Variants in KBTBD11 observed in about 807,000 individuals in gnomAD.
KBTBD11 encodes the protein kelch repeat and BTB domain containing 11.
For synonymous variants in KBTBD11, 747 were observed against 499.0 expected (o/e 1.50, Z -6.63); for missense variants, 1,390 against 1,001.8 (o/e 1.39, Z -5.23).
intron 1 of KBTBD11, among the ~76,000 whole-genome samples, chr8:1,981,003 G>C (rs750701251): frequency 3.3e-5 from 5 of 152,186 alleles, no homozygotes; most frequent in Non-Finnish European, 5.9e-5. Context: ...GGGCAAAATA[G>C]TAACAAGGGC....
intron 1 of KBTBD11, among the ~76,000 whole-genome samples, chr8:1,988,513 G>A (rs536393800): frequency 9.2e-5 from 14 of 152,250 alleles, no homozygotes; most frequent in Admixed American, 3.3e-4. Flanking sequence ...TGTGTCTGTC[G>A]GCTGCATAAA....
At chr8:1,977,976 C>G (rs1223986821) in intron 1 of KBTBD11, among the ~76,000 whole-genome samples, 2 of 152,200 alleles carry the variant, frequency 1.3e-5, no homozygotes, top group Non-Finnish European at 1.5e-5. Context: ...CCATGCACAG[C>G]TTAGTGGCTT....
At chr8:1,989,266 A>C (rs1352052930) in intron 1 of KBTBD11, among the ~76,000 whole-genome samples, 2 of 152,238 alleles carry the variant, frequency 1.3e-5, no homozygotes, top group South Asian at 2.1e-4. Context: ...AACCTAGAGT[A>C]AGATTTGTAC....
chr8:1,980,682 C>G (rs1392308562), intron 1 of KBTBD11, among the ~76,000 whole-genome samples: 1 of 152,254 alleles, frequency 6.6e-6, no homozygotes, highest in Non-Finnish European at 1.5e-5. Context: ...GTGCTTGTCC[C>G]TGCCCTGGAG....
chr8:2,002,828 G>A lies in KBTBD11; in HGVS notation c.1636G>A (p.Gly546Ser), dbSNP rs1196601865. The change falls in exon 2 of 2, where the codon GGC becomes AGC. Residue 546 changes from glycine (G) to serine (S), a missense_variant. Transcript: ENST00000320248. This position sits in a 1 kb window ranked among gnomAD's most constrained non-coding sequence, Gnocchi z 4.1. ...CGTCGCGCCCCTGCGCCTCCCCGGC[G>A]GCCCCACGGGCCTGCAGCCCTTCCG... ...PCVAPLRLPG[G>S]PTGLQPFRCA... 4 of 1,424,894 alleles carry A rather than the reference G, an allele frequency of 2.8e-6. No homozygotes were observed. In the African/African-American group the frequency reaches 4.5e-5, roughly 16 times the overall value. The allele number at this position is 1,424,894 out of a possible 1,614,324, so 88.3% of individuals were successfully genotyped here.
chr8:1,995,851 C>T (rs781697154), intron 1 of KBTBD11, among the ~76,000 whole-genome samples: 1 of 152,142 alleles, frequency 6.6e-6, no homozygotes, highest in Non-Finnish European at 1.5e-5. Context: ...ATAGCGAGAT[C>T]CTGTTTCTAC....
rs1185315178 is a variant in KBTBD11, at chr8:2,003,691, C to T, written c.*627C>T. On this transcript the variant is annotated 3_prime_UTR_variant, in exon 2 of 2. Transcript: ENST00000320248. ...TATGCATTGGAAGTATTTCCTTCCC[C>T]ACACCATTGCTACTCAAACTCACAT... 3 of 167,034 alleles carry T rather than the reference C, an allele frequency of 1.8e-5. No homozygotes were observed. Among genetic ancestry groups the T allele is most frequent in the Non-Finnish European group, 4.4e-5 (3 of 68,122 alleles). 10.3% of individuals were successfully genotyped at this position (167,034 alleles called of 1,614,324 possible). A position where few individuals can be genotyped will look rare whatever the true frequency, so the allele number is the denominator to read the frequency against.
At chr8:1,996,516 C>T (rs183721108) in intron 1 of KBTBD11, among the ~76,000 whole-genome samples, 1 of 152,268 alleles carries the variant, frequency 6.6e-6, no homozygotes, top group Admixed American at 6.5e-5. Flanking sequence ...GACCCACCCA[C>T]CTCGGCCTCC....
intron 1 of KBTBD11, among the ~76,000 whole-genome samples, chr8:1,999,207 CTT>C (rs1563376398): frequency 6.6e-6 from 1 of 152,164 alleles, no homozygotes; most frequent in Non-Finnish European, 1.5e-5. Flanking sequence ...CTTGAAGACA[CTT>C]TTATTTCTGA....
At chr8:1,982,849 C>T (rs1394855575) in intron 1 of KBTBD11, among the ~76,000 whole-genome samples, 1 of 151,888 alleles carries the variant, frequency 6.6e-6, no homozygotes, top group African/African-American at 2.4e-5. Context: ...TTTAAGCCTC[C>T]TGAGTAGCTG....
At position 2,005,608 on chromosome 8, in the gene KBTBD11, C is replaced by T. The variant is rs552090760; in HGVS notation, c.*2544C>T. 34 of 167,220 alleles carry T rather than the reference C, an allele frequency of 2.0e-4. No homozygotes were observed. Among genetic ancestry groups the T allele is most frequent in the Non-Finnish European group, 1.5e-5 (1 of 68,122 alleles). The allele number at this position is 167,220 out of a possible 1,614,324, so 10.4% of individuals were successfully genotyped here. A position where few individuals can be genotyped will look rare whatever the true frequency, so the allele number is the denominator to read the frequency against. ...ACCTTTTCCAATTCAAAGTGGTGTT[C>T]TAAGTCTGCGTCCAACACTGTGTAG... On this transcript the variant is annotated 3_prime_UTR_variant, in exon 2 of 2. Transcript: ENST00000320248.
intron 1 of KBTBD11, among the ~76,000 whole-genome samples, chr8:1,997,015 C>G (rs978459255): frequency 6.6e-5 from 10 of 152,166 alleles, no homozygotes; most frequent in Admixed American, 5.2e-4. Flanking sequence ...CCCGCGCGCC[C>G]CCCGTGCCTT....
Position 1,991,565 on chromosome 8 carries a change from C to CCTGA in KBTBD11, c.-908-8718_-908-8717insGACT, listed in dbSNP as rs1816919168. Among the ~76,000 whole-genome samples, 302 of 152,098 alleles carry CCTGA rather than the reference C, an allele frequency of 2.0e-3. 4 individuals are homozygous for CCTGA. Among genetic ancestry groups the CCTGA allele is most frequent in the African/African-American group, 6.9e-3 (285 of 41,346 alleles). ...GCTCTGTGATCCATGAGGGCAGGGC[C>CCTGA]CTTGCTCCTGCATCAGCCCAGAGGC... is the stretch of plus-strand genomic sequence containing the variant. On this transcript the variant is annotated intron_variant, in intron 1 of 1. Transcript: ENST00000320248.
At chr8:1,992,437 G>C (rs536763865) in intron 1 of KBTBD11, among the ~76,000 whole-genome samples, 2 of 121,230 alleles carry the variant, frequency 1.6e-5, no homozygotes, top group Admixed American at 9.6e-5. Flanking sequence ...GAGCGAGCTC[G>C]GTGGAGGCTT....
In KBTBD11 at chr8:1,974,217, C is replaced by T. The variant is rs1340802768; in HGVS notation, c.-909+282C>T. On this transcript the variant is annotated intron_variant, in intron 1 of 1. Coordinates refer to ENST00000320248, the MANE Select transcript of KBTBD11 (RefSeq NM_014867.3). ...CGGTGGGTGGTCTCCGCTCCGCCTC[C>T]GGGAGGCCGCGTGGGGGGCGTGGGG... 1.3e-5 allele frequency: 11 copies of T among 831,428 alleles called. No homozygotes were observed. In the East Asian group the frequency reaches 1.4e-3, roughly 102 times the overall value. 51.5% of individuals were successfully genotyped at this position (831,428 alleles called of 1,614,324 possible). A position where few individuals can be genotyped will look rare whatever the true frequency, so the allele number is the denominator to read the frequency against.
In KBTBD11 at chr8:2,002,370, G is replaced by T. The variant is rs1323885771; in HGVS notation, c.1178G>T (p.Ser393Ile). ...FCYNPATDSW[S>I]AVRPLRQARS... is the part of the protein sequence containing the mutation. ...TACAACCCGGCCACGGACAGCTGGAGCGCCGTGAGGCCCCTGCGCCAGGCG... is the reference window on the plus strand; with the variant it reads ...TACAACCCGGCCACGGACAGCTGGATCGCCGTGAGGCCCCTGCGCCAGGCG... The change falls in exon 2 of 2, where the codon AGC becomes ATC. Residue 393 changes from serine to isoleucine, a missense_variant. By Grantham distance (142) the Ser-to-Ile change is moderately radical. Coordinates refer to ENST00000320248, the MANE Select transcript of KBTBD11 (RefSeq NM_014867.3). This position sits in a 1 kb window ranked among gnomAD's most constrained non-coding sequence, Gnocchi z 4.1. The T allele has an allele frequency of 4.1e-6, 6 of 1,476,368 alleles. No homozygotes were observed. Among genetic ancestry groups the T allele is most frequent in the Non-Finnish European group, 5.4e-6 (6 of 1,119,482 alleles). The allele number at this position is 1,476,368 out of a possible 1,614,324, so 91.5% of individuals were successfully genotyped here. A position where few individuals can be genotyped will look rare whatever the true frequency, so the allele number is the denominator to read the frequency against.
In KBTBD11 at chr8:2,003,077, G is replaced by A. The variant is rs553351358; in HGVS notation, c.*13G>A. The A allele has an allele frequency of 4.7e-5, 59 of 1,258,394 alleles. No individual in the cohort carries two copies. Among genetic ancestry groups the A allele is most frequent in the Non-Finnish European group, 5.7e-5 (57 of 999,538 alleles). The allele number at this position is 1,258,394 out of a possible 1,614,324, so 78.0% of individuals were successfully genotyped here. A position where few individuals can be genotyped will look rare whatever the true frequency, so the allele number is the denominator to read the frequency against. Reference sequence around the variant, plus strand: ...GGGCGCCCCGTAGGCCGGCGGGGTCGGCGGGCGTCTCCCTCGGCAGGGGTT... The same window carrying A: ...GGGCGCCCCGTAGGCCGGCGGGGTCAGCGGGCGTCTCCCTCGGCAGGGGTT... On this transcript the variant is annotated 3_prime_UTR_variant, in exon 2 of 2. Transcript: ENST00000320248.
intron 1 of KBTBD11, chr8:1,974,449 G>C (rs1438799619): frequency 1.1e-5 from 11 of 984,192 alleles, no homozygotes; most frequent in Non-Finnish European, 1.3e-5. Flanking sequence ...CTTGGCTCTC[G>C]GCGGTCGCGG....
chr8:1,996,819 T>G (rs1183011209), intron 1 of KBTBD11, among the ~76,000 whole-genome samples: 2 of 152,128 alleles, frequency 1.3e-5, no homozygotes, highest in Non-Finnish European at 2.9e-5. Flanking sequence ...CGTAAAGAAA[T>G]GTATAGAAAC....
Sources: allele counts gnomAD v4.1 joint callset (sites outside exome capture counted in the v4.1 genomes callset), GRCh38; gene constraint gnomAD v4.1.1; non-coding constraint Gnocchi (gnomAD v3.1); transcripts MANE v1.5; gene names NCBI Gene and HGNC (gene_info 2026-07-23, HGNC 2026-07-21).